Variants in PPP1R42 observed in about 807,000 individuals in gnomAD.
PPP1R42 encodes the protein leucine rich repeat containing 67.
In PPP1R42, 34 loss-of-function variants were observed where a neutral mutation model predicts 31.0. The observed-to-expected ratio is 1.10, with a 90% CI of 0.83 to 1.46. The LOEUF (loss-of-function observed/expected upper bound fraction) is 1.46. Ranked by LOEUF, PPP1R42 falls within the 40% of genes most tolerant of loss-of-function variation. The probability of loss-of-function intolerance (pLI) is 0.00; values close to 1 mark genes in which losing one functional copy is unlikely to be tolerated. For missense variants in PPP1R42, 268 were observed against 303.0 expected, an observed-to-expected ratio of 0.88 and a Z score of 0.86; for synonymous variants, 103 against 109.8, an observed-to-expected ratio of 0.94 and a Z score of 0.39.
chr8:67,008,049 G>A (rs1318567067), intron 5 of PPP1R42, among the ~76,000 whole-genome samples: 1 of 151,742 alleles, frequency 6.6e-6, no homozygotes, highest in Non-Finnish European at 1.5e-5. Context: ...ACCATGCACG[G>A]CTAATTTTTT....
At chr8:66,982,928 C>T (rs902096656) in intron 6 of PPP1R42, among the ~76,000 whole-genome samples, 1 of 151,750 alleles carries the variant, frequency 6.6e-6, no homozygotes, top group Non-Finnish European at 1.5e-5. Flanking sequence ...AGCCATGTGC[C>T]ACCATGCCTG....
At chr8:67,025,301 A>G (rs181568034) in intron 1 of PPP1R42, among the ~76,000 whole-genome samples, 6 of 150,562 alleles carry the variant, frequency 4.0e-5, no homozygotes, top group Non-Finnish European at 7.4e-5. Flanking sequence ...TTTTACAGAC[A>G]GGGTCTCATT....
Position 67,023,821 on chromosome 8 carries a change from T to C in PPP1R42, c.-85+4670A>G, listed in dbSNP as rs373195645. On this transcript the variant is annotated intron_variant, in intron 1 of 7. Coordinates refer to ENST00000685739, the MANE Select transcript of PPP1R42 (RefSeq NM_001364910.1). ...TCTGCTGTAAGTTTTTTTTTTTTAG[T>C]ATGATATTTGCTGTAAGTTTTTTTT... 1.2e-4 allele frequency among the ~76,000 whole-genome samples: 19 copies of C among 152,030 alleles called. 1 individual carries two copies. In the East Asian group the frequency reaches 2.3e-3, roughly 19 times the overall value.
At chr8:67,004,931 G>A (rs1242207017) in intron 5 of PPP1R42, among the ~76,000 whole-genome samples, 1 of 152,100 alleles carries the variant, frequency 6.6e-6, no homozygotes, top group African/African-American at 2.4e-5. Context: ...ATTGGGAGAT[G>A]TTTTCTCTTG....
At chr8:67,020,966 T>A (rs1302357354) in intron 1 of PPP1R42, among the ~76,000 whole-genome samples, 1 of 152,126 alleles carries the variant, frequency 6.6e-6, no homozygotes, top group African/African-American at 2.4e-5. Context: ...GTAAATAAAA[T>A]ATTGCCATAT....
chr8:67,012,988 C>G lies in PPP1R42; in HGVS notation c.405G>C (p.Leu135=). The change falls in exon 4 of 8, where the codon CTG becomes CTC. Residue 135 remains leucine (L), a synonymous_variant. Transcript: ENST00000685739. ...GAGAATGAAGAGTTCTTGGATCAAA[C>G]AGAAGCTTTTCCCCAAGGGGAAGCC... ...NQRLPLGEKL[L]FDPRTLHSLA... 5.0e-6 allele frequency: 8 copies of G among 1,611,136 alleles called. No homozygotes were observed. Among genetic ancestry groups the G allele is most frequent in the Non-Finnish European group, 6.8e-6 (8 of 1,179,058 alleles).
At chr8:66,987,867 A>T (rs1815072012) in intron 6 of PPP1R42, among the ~76,000 whole-genome samples, 1 of 152,102 alleles carries the variant, frequency 6.6e-6, no homozygotes, top group Non-Finnish European at 1.5e-5. Context: ...GGTCACTATT[A>T]ATCGAGTGTT....
At chr8:67,000,322 A>T (rs1815446289) in intron 5 of PPP1R42, among the ~76,000 whole-genome samples, 1 of 152,140 alleles carries the variant, frequency 6.6e-6, no homozygotes, top group Non-Finnish European at 1.5e-5. Flanking sequence ...ATTCAAAGCT[A>T]TAACTTTCCC....
intron 1 of PPP1R42, among the ~76,000 whole-genome samples, chr8:67,023,565 ATTAAT>A (rs1816288509): frequency 6.6e-6 from 1 of 152,200 alleles, no homozygotes; most frequent in South Asian, 2.1e-4. Flanking sequence ...GTAAGGACAC[ATTAAT>A]TTTATTTTAT....
intron 5 of PPP1R42, among the ~76,000 whole-genome samples, chr8:67,004,842 C>G (rs1053443456): frequency 6.6e-6 from 1 of 152,168 alleles, no homozygotes; most frequent in Non-Finnish European, 1.5e-5. Flanking sequence ...TGTGCAAGGG[C>G]AAGGCTTGTT....
intron 6 of PPP1R42, among the ~76,000 whole-genome samples, chr8:66,986,835 T>A (rs1202842605): frequency 2.0e-5 from 3 of 152,200 alleles, no homozygotes; most frequent in Non-Finnish European, 4.4e-5. Flanking sequence ...ATAACTAGAA[T>A]TAGCCATCCC....
chr8:66,997,858 T>C (rs560830440), intron 5 of PPP1R42, among the ~76,000 whole-genome samples: 1 of 152,350 alleles, frequency 6.6e-6, no homozygotes, highest in Non-Finnish European at 1.5e-5. Context: ...GTGATGGTTT[T>C]ACCAATTGGT....
chr8:66,981,465 C>T (rs762721859), intron 7 of PPP1R42, among the ~76,000 whole-genome samples: 1 of 151,284 alleles, frequency 6.6e-6, no homozygotes, highest in Non-Finnish European at 1.5e-5. Context: ...CTGCAGCCTC[C>T]GCCTCCTGGG....
chr8:67,016,537 T>C (rs61552467), intron 2 of PPP1R42, among the ~76,000 whole-genome samples: 12,655 of 152,298 alleles, frequency 0.083, 1,074 homozygotes, highest in African/African-American at 0.22. Flanking sequence ...TCTGATGTAA[T>C]TGACCCAAGT....
intron 7 of PPP1R42, chr8:66,971,211 A>C: frequency 9.2e-7 from 1 of 1,085,672 alleles, no homozygotes; most frequent in Non-Finnish European, 1.2e-6. Context: ...AGGGTATAAC[A>C]ATATTAGATT....
intron 5 of PPP1R42, among the ~76,000 whole-genome samples, chr8:66,989,505 GTTCTTTATTT>G: frequency 6.6e-6 from 1 of 152,164 alleles, no homozygotes; most frequent in South Asian, 2.1e-4. Flanking sequence ...CCAAAGTTCT[GTTCTTTATTT>G]TTCTTTATTT....
intron 7 of PPP1R42, among the ~76,000 whole-genome samples, chr8:66,972,809 A>G (rs1157286607): frequency 6.6e-6 from 1 of 152,222 alleles, no homozygotes; most frequent in Non-Finnish European, 1.5e-5. Context: ...AATTGTTTAC[A>G]TATCACATAT....
intron 5 of PPP1R42, among the ~76,000 whole-genome samples, chr8:66,995,380 G>A (rs778936314): frequency 2.6e-4 from 40 of 152,312 alleles, no homozygotes; most frequent in Non-Finnish European, 2.4e-4. Context: ...TGTCTTCATG[G>A]TGGAAGTAAA....
intron 1 of PPP1R42, among the ~76,000 whole-genome samples, chr8:67,020,089 C>T (rs2129537130): frequency 6.6e-6 from 1 of 152,114 alleles, no homozygotes; most frequent in Non-Finnish European, 1.5e-5. Context: ...GACAATGGTG[C>T]AAAATACTTG....
Sources: allele counts gnomAD v4.1 joint callset (sites outside exome capture counted in the v4.1 genomes callset), GRCh38; gene constraint gnomAD v4.1.1; transcripts MANE v1.5; gene names NCBI Gene and HGNC (gene_info 2026-07-23, HGNC 2026-07-21).